Variants in CYP2S1 observed in about 807,000 individuals in gnomAD.
CYP2S1 encodes cytochrome P450 family 2 subfamily S member 1.
Under a neutral mutation model 43.5 loss-of-function variants are expected in CYP2S1, and 32 were observed. The ratio of observed to expected loss-of-function variants is 0.74; its 90% CI spans 0.56 to 0.99. The LOEUF (loss-of-function observed/expected upper bound fraction) is 0.99. Ranked by LOEUF, CYP2S1 falls within the 50% of genes least tolerant of loss-of-function variation. The pLI is 0.00. For missense variants in CYP2S1, 575 were observed against 673.9 expected (o/e 0.85, Z 1.62); for synonymous variants, 283 against 302.9 (o/e 0.93, Z 0.68).
chr19:41,198,615 G>A lies in CYP2S1; in HGVS notation c.647G>A (p.Gly216Glu). The A allele has an allele frequency of 1.2e-6, 2 of 1,614,092 alleles. No homozygotes were observed. Among genetic ancestry groups the A allele is most frequent in the Non-Finnish European group, 1.7e-6 (2 of 1,180,010 alleles). ...GGTLLGVSSQ[G>E]GQTYEMFSWF... The stretch of plus-strand genomic sequence containing the variant: ...ACCCTGCTGGGAGTCAGCTCCCAGG[G>A]GGGTCAGGTGAGTGGGTGGGACCCC... The change falls in exon 4 of 9, where the codon GGG becomes GAG. Residue 216 changes from glycine (G) to glutamate (E), a missense_variant. Physicochemically the swap from Gly to Glu is moderately conservative, Grantham distance 98. This residue lies in a region of CYP2S1 where 353 missense variants were observed against 367.6 expected (regional missense o/e 0.96). Transcript: ENST00000310054. The surrounding 1 kb of genome is among the most constrained non-coding windows in gnomAD (Gnocchi z 4.9).
In CYP2S1 at chr19:41,198,373, C is replaced by A; in HGVS notation, c.494-89C>A. 5 of 1,532,204 alleles carry A rather than the reference C, an allele frequency of 3.3e-6. No individual in the cohort carries two copies. The highest frequency in any genetic ancestry group is 1.8e-4 in the Middle Eastern group (1 of 5,596). The allele number at this position is 1,532,204 out of a possible 1,614,324, so 94.9% of individuals were successfully genotyped here. A position where few individuals can be genotyped will look rare whatever the true frequency, so the allele number is the denominator to read the frequency against. On this transcript the variant is annotated intron_variant, in intron 3 of 8. Transcript: ENST00000310054. The surrounding 1 kb of genome is among the most constrained non-coding windows in gnomAD (Gnocchi z 4.9). ...CTGTCCATCCATCTTTCCCTGCCTC[C>A]CTGTCTCTCTCTGGTTGGGTTCAGC... is the stretch of plus-strand genomic sequence containing the variant.
chr19:41,205,220 CTG>C (rs2033547075), intron 7 of CYP2S1, among the ~76,000 whole-genome samples: 2 of 152,128 alleles, frequency 1.3e-5, no homozygotes, highest in Admixed American at 1.3e-4. Context: ...GATAAGGAAA[CTG>C]AGAGCTTGAA....
Position 41,201,325 on chromosome 19 carries a change from C to T in CYP2S1, c.929C>T (p.Thr310Met), listed in dbSNP as rs145747863. 1.9e-4 allele frequency: 299 copies of T among 1,614,152 alleles called. No homozygotes were observed. Among genetic ancestry groups the T allele is most frequent in the African/African-American group, 4.7e-4 (35 of 75,032 alleles). ...LFAGTMTVST[T>M]VGYTLLLLMK... Reference sequence around the variant, plus strand: ...GCTGGGACGATGACGGTCAGCACCACGGTCGGCTATACCCTCCTGCTCCTG... The same window carrying T: ...GCTGGGACGATGACGGTCAGCACCATGGTCGGCTATACCCTCCTGCTCCTG... The change falls in exon 6 of 9, where the codon ACG (threonine) becomes ATG (methionine). Residue 310 changes from threonine (T) to methionine (M), a missense_variant. Thr to Met is a moderately conservative substitution (Grantham distance 81). This residue lies in a region of CYP2S1 where 222 missense variants were observed against 306.3 expected (regional missense o/e 0.72). Coordinates refer to ENST00000310054, the MANE Select transcript of CYP2S1 (RefSeq NM_030622.8).
intron 8 of CYP2S1, 25 bp from the exon 9 acceptor site, chr19:41,206,255 C>G: frequency 3.3e-6 from 2 of 600,058 alleles, no homozygotes; most frequent in Non-Finnish European, 4.4e-6. Context: ...TGACTCAGCC[C>G]TCTCTCTCTC....
chr19:41,193,983 T>A (rs2033376130), intron 1 of CYP2S1, among the ~76,000 whole-genome samples: 1 of 151,800 alleles, frequency 6.6e-6, no homozygotes, highest in East Asian at 1.9e-4. Flanking sequence ...AGTTGGGAGT[T>A]CCTGGGACTG....
rs747522945 is a variant in CYP2S1 at position 41,193,254 on chromosome 19, G to A, written c.-11G>A. 48 of 1,534,574 alleles carry A rather than the reference G, an allele frequency of 3.1e-5. No individual in the cohort carries two copies. The highest frequency in any genetic ancestry group is 4.2e-5 in the Non-Finnish European group (48 of 1,144,766). Reference sequence around the variant, plus strand: ...AGCGCCTGGGAGAGGAGAAGGAGCCGACCTGCCGAGATGGAGGCGACCGGC... The same window carrying A: ...AGCGCCTGGGAGAGGAGAAGGAGCCAACCTGCCGAGATGGAGGCGACCGGC... On this transcript the variant is annotated 5_prime_UTR_variant, in exon 1 of 9. Transcript: ENST00000310054.
At chr19:41,204,522 A>G (rs2033537158) in intron 7 of CYP2S1, among the ~76,000 whole-genome samples, 1 of 150,616 alleles carries the variant, frequency 6.6e-6, no homozygotes, top group Non-Finnish European at 1.5e-5. Context: ...CTCCACCTTC[A>G]CTGCAGAATC....
chr19:41,206,367 G>A lies in CYP2S1; in HGVS notation c.1394G>A (p.Ser465Asn). 1 of 1,614,090 alleles carries A rather than the reference G, an allele frequency of 6.2e-7. No individual in the cohort carries two copies. ...TTILQAFSLE[S>N]PCPPDTLSLK... ...ATCCTACAAGCCTTCTCCCTGGAGA[G>A]CCCGTGCCCGCCGGACACCCTGAGC... The change falls in exon 9 of 9, where the codon AGC becomes AAC. Residue 465 changes from serine to asparagine, a missense_variant. This residue lies in a region of CYP2S1 where 222 missense variants were observed against 306.3 expected (regional missense o/e 0.72). Coordinates refer to ENST00000310054, the MANE Select transcript of CYP2S1 (RefSeq NM_030622.8).
chr19:41,193,237 G>T lies in CYP2S1; in HGVS notation c.-28G>T. On this transcript the variant is annotated 5_prime_UTR_variant, in exon 1 of 9. Coordinates refer to ENST00000310054, the MANE Select transcript of CYP2S1 (RefSeq NM_030622.8). Reference sequence around the variant, plus strand: ...CTAGCCCAGCCGCGCGGAGCGCCTGGGAGAGGAGAAGGAGCCGACCTGCCG... The same window carrying T: ...CTAGCCCAGCCGCGCGGAGCGCCTGTGAGAGGAGAAGGAGCCGACCTGCCG... The T allele has an allele frequency of 6.6e-7, 1 of 1,514,400 alleles. No homozygotes were observed. Among genetic ancestry groups the T allele is most frequent in the Non-Finnish European group, 8.8e-7 (1 of 1,137,136 alleles). 93.8% of individuals were successfully genotyped at this position (1,514,400 alleles called of 1,614,324 possible).
chr19:41,193,442 G>T lies in CYP2S1; in HGVS notation c.177+1G>T. The T allele has an allele frequency of 6.9e-7, 1 of 1,446,822 alleles. No individual in the cohort carries two copies. The allele number at this position is 1,446,822 out of a possible 1,614,324, so 89.6% of individuals were successfully genotyped here. A position where few individuals can be genotyped will look rare whatever the true frequency, so the allele number is the denominator to read the frequency against. On this transcript the variant is annotated splice_donor_variant, in intron 1 of 8. Coordinates refer to ENST00000310054, the MANE Select transcript of CYP2S1 (RefSeq NM_030622.8). LOFTEE classifies it high-confidence loss of function. The stretch of plus-strand genomic sequence containing the variant: ...GGCGCTGTATTCAGGGCTCATGCGG[G>T]TAAGGGGCTCTGGGGACGTCCTGGC...
intron 6 of CYP2S1, among the ~76,000 whole-genome samples, chr19:41,202,144 C>T (rs368631193): frequency 1.1e-3 from 169 of 152,152 alleles, no homozygotes; most frequent in African/African-American, 3.9e-3. Flanking sequence ...TGCACCACCA[C>T]GCCCAGCTAA....
intron 5 of CYP2S1, among the ~76,000 whole-genome samples, 190 bp downstream of exon 5, chr19:41,199,078 G>A (rs573887245): frequency 2.0e-5 from 3 of 152,214 alleles, no homozygotes; most frequent in Admixed American, 2.0e-4. Flanking sequence ...CTTTCAGGGC[G>A]TTGCTCTCAC....
chr19:41,193,603 G>C (rs953568134), intron 1 of CYP2S1, 162 bp downstream of exon 1: 26 of 1,308,546 alleles, frequency 2.0e-5, no homozygotes, highest in Non-Finnish European at 2.5e-5. Context: ...GGCAGGAGCA[G>C]GTTGTCCAGG....
chr19:41,193,367 G>C lies in CYP2S1; in HGVS notation c.103G>C (p.Gly35Arg). ...CAGGGCCCGAGGCCACCTGCCCCCC[G>C]GGCCCACGCCGCTACCACTGCTGGG... ...GTRARGHLPP[G>R]PTPLPLLGNL... The change falls in exon 1 of 9, where the codon GGG becomes CGG. Residue 35 changes from glycine to arginine, a missense_variant. Gly to Arg is a moderately radical substitution (Grantham distance 125). Coordinates refer to ENST00000310054, the MANE Select transcript of CYP2S1 (RefSeq NM_030622.8). 6.5e-7 allele frequency: 1 copy of C among 1,532,906 alleles called. No homozygotes were observed. Among genetic ancestry groups the C allele is most frequent in the South Asian group, 1.2e-5 (1 of 82,916 alleles). The allele number at this position is 1,532,906 out of a possible 1,614,324, so 95.0% of individuals were successfully genotyped here. A position where few individuals can be genotyped will look rare whatever the true frequency, so the allele number is the denominator to read the frequency against.
At chr19:41,195,632 G>T (rs1272803497) in intron 2 of CYP2S1, among the ~76,000 whole-genome samples, 1 of 152,170 alleles carries the variant, frequency 6.6e-6, no homozygotes, top group Non-Finnish European at 1.5e-5. Flanking sequence ...GCTTCAGGAA[G>T]TCTTCCTGGA....
chr19:41,201,087 AG>A, intron 5 of CYP2S1, 143 bp from the exon 6 acceptor site: 1 of 1,060,038 alleles, frequency 9.4e-7, no homozygotes. Context: ...AAAAAAAAAA[AG>A]TCTACTTCCC....
At position 41,193,471 on chromosome 19, in the gene CYP2S1, G is replaced by A. The variant is rs972835539; in HGVS notation, c.177+30G>A. 2.1e-6 allele frequency: 3 copies of A among 1,406,680 alleles called. No homozygotes were observed. In the African/African-American group the frequency reaches 4.6e-5, roughly 21 times the overall value. 87.1% of individuals were successfully genotyped at this position (1,406,680 alleles called of 1,614,324 possible). The stretch of plus-strand genomic sequence containing the variant: ...GGGGCTCTGGGGACGTCCTGGCTAG[G>A]GGTGGGAGGATTCCTGGGAGAGAAA... On this transcript the variant is annotated intron_variant, in intron 1 of 8. Coordinates refer to ENST00000310054, the MANE Select transcript of CYP2S1 (RefSeq NM_030622.8).
At chr19:41,199,531 C>T (rs1188883234) in intron 5 of CYP2S1, among the ~76,000 whole-genome samples, 3 of 151,610 alleles carry the variant, frequency 2.0e-5, no homozygotes. Flanking sequence ...CAGGTGTGCA[C>T]CACCACACCT....
intron 5 of CYP2S1, among the ~76,000 whole-genome samples, chr19:41,199,548 A>ATT (rs557331377): frequency 0.15 from 22,570 of 146,746 alleles, 1,775 homozygotes; most frequent in Middle Eastern, 0.2. Flanking sequence ...ACCTGGCTAA[A>ATT]TTTTTTTTTT....
Sources: allele counts gnomAD v4.1 joint callset (sites outside exome capture counted in the v4.1 genomes callset), GRCh38; gene constraint gnomAD v4.1.1; regional missense constraint gnomAD v4.1.1; non-coding constraint Gnocchi (gnomAD v3.1); transcripts MANE v1.5; gene names NCBI Gene and HGNC (gene_info 2026-07-23, HGNC 2026-07-21).